NME9: variants seen among roughly 807,000 people sequenced by gnomAD.
The protein encoded by NME9 is NME/NM23 family member 9.
Under a neutral mutation model 44.4 loss-of-function variants are expected in NME9, and 48 were observed. The observed-to-expected ratio is 1.08, with a 90% CI of 0.86 to 1.37. The LOEUF is 1.37. Ranked by LOEUF, NME9 falls within the 40% of genes most tolerant of loss-of-function variation. The pLI, the probability that NME9 is intolerant of heterozygous loss-of-function variation, is 0.00. For synonymous variants in NME9, 139 were observed against 147.1 expected, an observed-to-expected ratio of 0.94 and a Z score of 0.40; for missense variants, 325 against 405.2, an observed-to-expected ratio of 0.80 and a Z score of 1.70.
At chr3:138,282,329 C>T (rs567012081) in intron 8 of NME9, among the ~76,000 whole-genome samples, 2 of 152,150 alleles carry the variant, frequency 1.3e-5, no homozygotes, top group African/African-American at 4.8e-5. Context: ...CATGTCAAGA[C>T]AAGTGATGGA....
In NME9 at chr3:138,318,233, C is replaced by T; in HGVS notation, c.196-14G>A. 6.3e-7 allele frequency: 1 copy of T among 1,593,930 alleles called. No individual in the cohort carries two copies. Among genetic ancestry groups the T allele is most frequent in the Non-Finnish European group, 8.6e-7 (1 of 1,161,594 alleles). Reference sequence around the variant, plus strand: ...ATCTGCCTCTGCCTAAAGAAAGCCACTATCAGCAGGTACCCTGGATGCAGG... The same window carrying T: ...ATCTGCCTCTGCCTAAAGAAAGCCATTATCAGCAGGTACCCTGGATGCAGG... On this transcript the variant is annotated splice_polypyrimidine_tract_variant and intron_variant, in intron 3 of 10. Coordinates refer to ENST00000333911, the MANE Select transcript of NME9 (RefSeq NM_001349018.2).
intron 8 of NME9, among the ~76,000 whole-genome samples, chr3:138,276,419 C>G (rs79425993): frequency 1.3e-5 from 2 of 152,200 alleles, no homozygotes; most frequent in East Asian, 3.9e-4. Flanking sequence ...ACAAGTATGT[C>G]CATTTGTACC....
intron 6 of NME9, among the ~76,000 whole-genome samples, chr3:138,313,193 C>G (rs1375995184): frequency 6.6e-6 from 1 of 152,090 alleles, no homozygotes; most frequent in Non-Finnish European, 1.5e-5. Context: ...GAGTTCAAAA[C>G]CAGCCTGGCC....
chr3:138,299,224 AC>A (rs1285605404), downstream of NME9, among the ~76,000 whole-genome samples: 4 of 151,724 alleles, frequency 2.6e-5, no homozygotes, highest in Admixed American at 2.6e-4. Context: ...GGCTGAGGGA[AC>A]CCCCCAAGGG....
At chr3:138,274,421 T>C (rs1474320729) in intron 8 of NME9, 1 of 1,441,910 alleles carries the variant, frequency 6.9e-7, no homozygotes, top group Non-Finnish European at 9.7e-7. Flanking sequence ...GTTTCTTTGA[T>C]AATTATGGAT....
intron 10 of NME9, 30 bp from the exon 11 acceptor site, chr3:138,301,734 C>T: frequency 6.7e-7 from 1 of 1,499,238 alleles, no homozygotes; most frequent in African/African-American, 1.4e-5. Context: ...TGGTAGGACT[C>T]CTGAAACAGC....
chr3:138,295,985 T>A, intron 8 of NME9: 9 of 1,420,044 alleles, frequency 6.3e-6, no homozygotes, highest in Non-Finnish European at 8.8e-6. Context: ...TTTGCACAAG[T>A]CACCTTGGAC....
At chr3:138,304,811 G>T in intron 9 of NME9, 62 bp downstream of exon 9, 1 of 1,504,786 alleles carries the variant, frequency 6.6e-7, no homozygotes, top group Non-Finnish European at 9.2e-7. Context: ...CACTGAGTGG[G>T]ACTCAGCCTC....
At chr3:138,262,595 A>C in intron 8 of NME9, 1 of 1,561,030 alleles carries the variant, frequency 6.4e-7, no homozygotes, top group African/African-American at 1.4e-5. Context: ...ACCTGAGGAG[A>C]TTAAAAAAAA....
chr3:138,280,413 G>T (rs1433259150), intron 8 of NME9, among the ~76,000 whole-genome samples: 1 of 151,622 alleles, frequency 6.6e-6, no homozygotes, highest in African/African-American at 2.4e-5. Flanking sequence ...CACCTCCTGG[G>T]TTCAGTCTAT....
chr3:138,266,009 C>T (rs2048250707), intron 8 of NME9, among the ~76,000 whole-genome samples: 1 of 152,166 alleles, frequency 6.6e-6, no homozygotes, highest in South Asian at 2.1e-4. Flanking sequence ...CAAGAGTTTT[C>T]TATTTTCTAG....
intron 8 of NME9, chr3:138,289,248 C>G: frequency 2.9e-6 from 2 of 687,224 alleles, no homozygotes; most frequent in Non-Finnish European, 5.0e-6. Context: ...CAAGCACCCT[C>G]TAGAGTTGCC....
chr3:138,274,297 T>C (rs1330884711), intron 8 of NME9, among the ~76,000 whole-genome samples: 1 of 152,090 alleles, frequency 6.6e-6, no homozygotes, highest in Non-Finnish European at 1.5e-5. Context: ...CTTCAAAATA[T>C]AATAAACACT....
rs1466301191 is a variant in NME9, at chr3:138,304,773, T to C, written c.791+100A>G. ...AGAGAGCCTGGCCATCAGAGAGTCC[T>C]CTGTGTTACCCATGATTCTAGGCTG... On this transcript the variant is annotated intron_variant, in intron 9 of 10. Transcript: ENST00000333911. The C allele has an allele frequency of 5.1e-6, 6 of 1,174,224 alleles. No individual in the cohort carries two copies. The Admixed American group carries it at 1.0e-4, about 21-fold the overall frequency. The allele number at this position is 1,174,224 out of a possible 1,614,324, so 72.7% of individuals were successfully genotyped here.
chr3:138,316,807 G>A (rs900253858), intron 4 of NME9, among the ~76,000 whole-genome samples: 29 of 152,196 alleles, frequency 1.9e-4, no homozygotes, highest in Non-Finnish European at 3.4e-4. Context: ...CAGAGACGGC[G>A]TTTCACCATG....
intron 2 of NME9, among the ~76,000 whole-genome samples, chr3:138,323,034 A>G (rs551176746): frequency 1.3e-5 from 2 of 152,348 alleles, no homozygotes; most frequent in African/African-American, 4.8e-5. Context: ...AGAGTGTGGC[A>G]ATACTGACAC....
At chr3:138,306,331 C>A in intron 7 of NME9, 67 bp downstream of exon 7, 1 of 1,194,228 alleles carries the variant, frequency 8.4e-7, no homozygotes, top group South Asian at 1.2e-5. Flanking sequence ...GCCCAGTGCC[C>A]CATCCCTGTT....
chr3:138,304,761 A>T, intron 9 of NME9, 112 bp downstream of exon 9: 1 of 1,043,640 alleles, frequency 9.6e-7, no homozygotes, highest in Non-Finnish European at 1.4e-6. Context: ...GAGCCTGGCC[A>T]TCAGAGAGTC....
At chr3:138,308,945 G>GAAAAAAAAA (rs1002890235) in intron 6 of NME9, among the ~76,000 whole-genome samples, 9 of 52,880 alleles carry the variant, frequency 1.7e-4, no homozygotes, top group African/African-American at 4.0e-4. Flanking sequence ...AATACTGAAA[G>GAAAAAAAAA]AAAAAAAAAA....
Sources: gnomAD v4.1 joint callset for allele counts (sites outside exome capture counted in the v4.1 genomes callset) on GRCh38, gnomAD v4.1.1 for gene constraint, MANE v1.5 for transcripts, NCBI Gene and HGNC (gene_info 2026-07-23, HGNC 2026-07-21) for gene names.